Variants in CSNK2A2IP observed in about 807,000 individuals in gnomAD.
CSNK2A2IP encodes the protein casein kinase II subunit alpha'-interacting protein.
At chr3:88,466,188 G>A in the CSNK2A2IP span, 2 of 1,231,386 alleles carry the variant, frequency 1.6e-6, no homozygotes, top group Non-Finnish European at 2.0e-6. Flanking sequence ...TTGACTCTAG[G>A]CTTCAGAAAA....
chr3:88,340,620 T>G, the CSNK2A2IP span, among the ~76,000 whole-genome samples: 3 of 151,964 alleles, frequency 2.0e-5, no homozygotes, highest in African/African-American at 7.2e-5. Context: ...TCTTATAAAC[T>G]TAAGTGCCAA....
chr3:88,437,421 G>A, the CSNK2A2IP span, among the ~76,000 whole-genome samples: 221 of 152,350 alleles, frequency 1.5e-3, 2 homozygotes, highest in African/African-American at 5.0e-3. Context: ...TTAAATGAAA[G>A]TGACTGTATT....
the CSNK2A2IP span, among the ~76,000 whole-genome samples, chr3:88,461,045 C>T: frequency 6.6e-6 from 1 of 151,654 alleles, no homozygotes; most frequent in East Asian, 2.0e-4. Flanking sequence ...CAAGATTGCA[C>T]CATTGCACTC....
the CSNK2A2IP span, among the ~76,000 whole-genome samples, chr3:88,452,847 T>C: frequency 6.6e-6 from 1 of 152,162 alleles, no homozygotes; most frequent in Non-Finnish European, 1.5e-5. Context: ...GTCATTGAAA[T>C]AGCCAGTGTT....
the CSNK2A2IP span, among the ~76,000 whole-genome samples, chr3:88,388,937 A>G: frequency 6.6e-6 from 1 of 151,778 alleles, no homozygotes; most frequent in African/African-American, 2.4e-5. Flanking sequence ...GTAATTATCT[A>G]TTGTCTCCTT....
chr3:88,345,345 CT>C, the CSNK2A2IP span, among the ~76,000 whole-genome samples: 5 of 152,102 alleles, frequency 3.3e-5, no homozygotes, highest in East Asian at 9.6e-4. Flanking sequence ...CCTCTGCTTT[CT>C]TTAATTATAC....
the CSNK2A2IP span, among the ~76,000 whole-genome samples, chr3:88,373,573 G>A: frequency 0.47 from 67,253 of 143,422 alleles, 16,153 homozygotes; most frequent in South Asian, 0.63. Context: ...ATGGGCTGGA[G>A]AAAGAATAAC....
At chr3:88,444,623 T>G in the CSNK2A2IP span, among the ~76,000 whole-genome samples, 3 of 152,226 alleles carry the variant, frequency 2.0e-5, no homozygotes, top group African/African-American at 4.8e-5. Flanking sequence ...ATGTTATGTA[T>G]ATGTGTTAAC....
At chr3:88,432,875 G>A in the CSNK2A2IP span, among the ~76,000 whole-genome samples, 1 of 151,486 alleles carries the variant, frequency 6.6e-6, no homozygotes, top group Non-Finnish European at 1.5e-5. Flanking sequence ...TATTTAGGTT[G>A]CTTCTAAAAC....
the CSNK2A2IP span, among the ~76,000 whole-genome samples, chr3:88,397,202 G>C: frequency 6.6e-6 from 1 of 152,156 alleles, no homozygotes; most frequent in South Asian, 2.1e-4. Flanking sequence ...CAGAAAGGGA[G>C]AAAGGGCCAC....
the CSNK2A2IP span, among the ~76,000 whole-genome samples, chr3:88,356,855 T>C: frequency 6.6e-6 from 1 of 152,290 alleles, no homozygotes; most frequent in Admixed American, 6.5e-5. Context: ...ACTAATGGTA[T>C]TGAGCATTTT....
the CSNK2A2IP span, among the ~76,000 whole-genome samples, chr3:88,421,699 G>C: frequency 1.3e-5 from 2 of 152,092 alleles, no homozygotes; most frequent in Non-Finnish European, 2.9e-5. Context: ...TTACAGGCAT[G>C]AGCCACCGTG....
At chr3:88,413,868 A>C in the CSNK2A2IP span, among the ~76,000 whole-genome samples, 47 of 152,068 alleles carry the variant, frequency 3.1e-4, 2 homozygotes, top group Non-Finnish European at 1.2e-4. Flanking sequence ...AAAATGGTTA[A>C]TCAAACCAGT....
At chr3:88,420,628 C>T in the CSNK2A2IP span, among the ~76,000 whole-genome samples, 1 of 151,986 alleles carries the variant, frequency 6.6e-6, no homozygotes, top group African/African-American at 2.4e-5. Flanking sequence ...ATGAGGAAGA[C>T]AAGATAATTT....
the CSNK2A2IP span, among the ~76,000 whole-genome samples, chr3:88,417,105 T>TC: frequency 2.8e-5 from 2 of 70,876 alleles, no homozygotes; most frequent in Non-Finnish European, 1.1e-4. Context: ...TAACATGAAT[T>TC]TTTTTTTTTT....
At chr3:88,371,605 G>T in the CSNK2A2IP span, among the ~76,000 whole-genome samples, 1 of 151,750 alleles carries the variant, frequency 6.6e-6, no homozygotes, top group Non-Finnish European at 1.5e-5. Flanking sequence ...AGTCAAAAAG[G>T]AACAAAAGAA....
the CSNK2A2IP span, among the ~76,000 whole-genome samples, chr3:88,443,967 A>T: frequency 6.6e-6 from 1 of 152,022 alleles, no homozygotes; most frequent in Non-Finnish European, 1.5e-5. Context: ...GTAGATTTAA[A>T]TTTTTTTCTT....
At chr3:88,414,970 T>C in the CSNK2A2IP span, among the ~76,000 whole-genome samples, 187 of 151,676 alleles carry the variant, frequency 1.2e-3, 1 homozygote, top group Non-Finnish European at 2.2e-3. Context: ...TATTTTAAAA[T>C]AAAATGTCAG....
the CSNK2A2IP span, among the ~76,000 whole-genome samples, chr3:88,405,492 C>T: frequency 6.6e-6 from 1 of 152,182 alleles, no homozygotes; most frequent in Non-Finnish European, 1.5e-5. Flanking sequence ...GATCAAAAGT[C>T]AGAAAGCTTG....
Sources: allele counts gnomAD v4.1 joint callset (sites outside exome capture counted in the v4.1 genomes callset), GRCh38; gene constraint gnomAD v4.1.1; transcripts MANE v1.5; gene names NCBI Gene and HGNC (gene_info 2026-07-23, HGNC 2026-07-21).